Variants in SPTBN4 observed in about 807,000 individuals in gnomAD.
The protein encoded by SPTBN4 is spectrin beta chain, non-erythrocytic 4.
A neutral mutation model predicts 277.8 loss-of-function variants in SPTBN4; 96 were observed. The ratio of observed to expected loss-of-function variants is 0.35; its 90% CI spans 0.29 to 0.41. SPTBN4 has a LOEUF of 0.41. Among genes scored for constraint, SPTBN4 ranks in the 10% least tolerant of loss-of-function variants. The pLI is 1.00. For synonymous variants in SPTBN4, 1,481 were observed against 1,580.3 expected, an observed-to-expected ratio of 0.94 and a Z score of 1.49; for missense variants, 3,006 against 3,595.7, an observed-to-expected ratio of 0.84 and a Z score of 4.19.
At chr19:40,480,512 T>C (rs757767236) in intron 2 of SPTBN4, among the ~76,000 whole-genome samples, 24 of 152,206 alleles carry the variant, frequency 1.6e-4, no homozygotes, top group Non-Finnish European at 3.2e-4. Flanking sequence ...TGTACTCTCT[T>C]AACTTCTAAC....
At chr19:40,567,603 TC>T in intron 30 of SPTBN4, 59 bp from the exon 31 acceptor site, 1 of 980,902 alleles carries the variant, frequency 1.0e-6, no homozygotes, top group Admixed American at 3.7e-5. Context: ...TCCCCGGACC[TC>T]CCCCTTACCC....
intron 13 of SPTBN4, among the ~76,000 whole-genome samples, chr19:40,509,775 C>T (rs1227015167): frequency 6.6e-6 from 1 of 152,204 alleles, no homozygotes; most frequent in Non-Finnish European, 1.5e-5. Context: ...AAGAACCTGT[C>T]TGGCTTGCAG....
chr19:40,560,215 TGCCGAG>T lies in SPTBN4; in HGVS notation c.5731_5736del (p.Glu1911_Ala1912del). ...TGCGGACGGTGTATGCGGGTGAACATGCCGAGGCCATCGCTAGCCGGGAGCAGGAGG... is the reference window on the plus strand; with the variant it reads ...TGCGGACGGTGTATGCGGGTGAACATGCCATCGCTAGCCGGGAGCAGGAGG... On this transcript the variant is annotated inframe_deletion, in exon 27 of 36. Transcript: ENST00000598249. This position sits in a 1 kb window ranked among gnomAD's most constrained non-coding sequence, Gnocchi z 5.2. 1.2e-6 allele frequency: 2 copies of T among 1,607,842 alleles called. No homozygotes were observed. The highest frequency in any genetic ancestry group is 1.7e-6 in the Non-Finnish European group (2 of 1,179,900).
chr19:40,563,005 T>G (rs991809983), intron 27 of SPTBN4, among the ~76,000 whole-genome samples: 4 of 151,358 alleles, frequency 2.6e-5, no homozygotes, highest in African/African-American at 9.7e-5. Flanking sequence ...AGGCCAGGAG[T>G]TTGAGACTAC....
At chr19:40,474,210 C>T (rs919450882) in intron 2 of SPTBN4, among the ~76,000 whole-genome samples, 5 of 140,108 alleles carry the variant, frequency 3.6e-5, no homozygotes, top group Admixed American at 7.2e-5. Context: ...GTTATCATCA[C>T]AGACCTAAGA....
In SPTBN4 at chr19:40,572,326, C is replaced by T; in HGVS notation, c.7494-12C>T. 3 of 1,614,126 alleles carry T rather than the reference C, an allele frequency of 1.9e-6. No homozygotes were observed. The highest frequency in any genetic ancestry group is 1.1e-5 in the South Asian group (1 of 91,074). On this transcript the variant is annotated splice_polypyrimidine_tract_variant and intron_variant, in intron 34 of 35. Transcript: ENST00000598249. The stretch of plus-strand genomic sequence containing the variant: ...TCCCCAGATCTCTGAAGTCCTGTGT[C>T]CCTTCCTGCAGGACCCAGGATGGCA...
chr19:40,487,051 T>G (rs2080080363), intron 2 of SPTBN4, among the ~76,000 whole-genome samples: 1 of 148,754 alleles, frequency 6.7e-6, no homozygotes, highest in East Asian at 1.9e-4. Context: ...TCTTTTTTTT[T>G]TTTGAGAAGG....
intron 1 of SPTBN4, among the ~76,000 whole-genome samples, 193 bp downstream of exon 1, chr19:40,467,498 C>G (rs1037542537): frequency 1.3e-5 from 2 of 152,122 alleles, no homozygotes; most frequent in Non-Finnish European, 2.9e-5. Flanking sequence ...GGGTCTTACC[C>G]CCAGGCCTTG....
At position 40,512,844 on chromosome 19, in the gene SPTBN4, G is replaced by T; in HGVS notation, c.2055G>T (p.Ala685=). Reference sequence around the variant, plus strand: ...GCGCAGCGGGCGCAGCGGGAACAGCGGGCGGCGCGCATGACCTGTCCAGCA... The same window carrying T: ...GCGCAGCGGGCGCAGCGGGAACAGCTGGCGGCGCGCATGACCTGTCCAGCA... ...AAGAAGAAGT[A]GGAHDLSSTA... The change falls in exon 14 of 36, where the codon GCG becomes GCT. Residue 685 remains alanine (A), a synonymous_variant. Coordinates refer to ENST00000598249, the MANE Select transcript of SPTBN4 (RefSeq NM_020971.3). 1 of 1,457,528 alleles carries T rather than the reference G, an allele frequency of 6.9e-7. No homozygotes were observed. Among genetic ancestry groups the T allele is most frequent in the South Asian group, 1.4e-5 (1 of 72,946 alleles). 90.3% of individuals were successfully genotyped at this position (1,457,528 alleles called of 1,614,324 possible). A position where few individuals can be genotyped will look rare whatever the true frequency, so the allele number is the denominator to read the frequency against.
intron 11 of SPTBN4, among the ~76,000 whole-genome samples, chr19:40,503,144 G>C (rs917519557): frequency 2.0e-5 from 3 of 152,162 alleles, no homozygotes; most frequent in African/African-American, 7.2e-5. Context: ...ATGGGAGAGT[G>C]AGGCTGGTCT....
chr19:40,474,356 G>C (rs1875845153), intron 2 of SPTBN4, among the ~76,000 whole-genome samples: 1 of 151,560 alleles, frequency 6.6e-6, no homozygotes, highest in South Asian at 2.1e-4. Context: ...ATCTGACATA[G>C]AGTGACCAAA....
Position 40,550,244 on chromosome 19 carries a change from G to A in SPTBN4, c.4591G>A (p.Val1531Ile), listed in dbSNP as rs763212881. The A allele has an allele frequency of 2.5e-6, 4 of 1,613,574 alleles. No homozygotes were observed. The highest frequency in any genetic ancestry group is 1.3e-5 in the African/African-American group (1 of 74,916). Residue 1531 changes from valine (V) to isoleucine (I), a missense_variant, in exon 22 of 36, where the codon GTT becomes ATT. This residue lies in a region of SPTBN4 where 1,759 missense variants were observed against 2,061.5 expected (regional missense o/e 0.85). Transcript: ENST00000598249. Reference protein sequence around the residue: ...AHDLDDELAWVQERLPLAMQT... With the variant: ...AHDLDDELAWIQERLPLAMQT... ...CTTCCTGTGTCCTCTCCAGGCATGG[G>A]TTCAGGAGCGGCTGCCACTGGCCAT...
intron 2 of SPTBN4, among the ~76,000 whole-genome samples, chr19:40,477,030 T>TATTATTATTATTATTATTATTATTATC (rs1488074140): frequency 1.3e-5 from 2 of 149,042 alleles, no homozygotes; most frequent in Non-Finnish European, 3.0e-5. Flanking sequence ...TAGAATTTAT[T>TATTATTATTATTATTATTATTATTATC]ATTATTATTA....
chr19:40,537,660 A>G (rs938768574), intron 20 of SPTBN4, among the ~76,000 whole-genome samples: 2 of 152,178 alleles, frequency 1.3e-5, no homozygotes, highest in Non-Finnish European at 2.9e-5. Flanking sequence ...ACCACAGCAC[A>G]GAAAGGATCT....
At chr19:40,528,033 G>C (rs1568811957) in intron 17 of SPTBN4, among the ~76,000 whole-genome samples, 1 of 146,922 alleles carries the variant, frequency 6.8e-6, no homozygotes, top group Non-Finnish European at 1.5e-5. Context: ...TCCAGCCTGG[G>C]CGATGGAGCG....
intron 20 of SPTBN4, among the ~76,000 whole-genome samples, 186 bp from the exon 21 acceptor site, chr19:40,549,003 G>A (rs1260662120): frequency 6.6e-6 from 1 of 152,236 alleles, no homozygotes. Flanking sequence ...AGGCTCCGAG[G>A]CAGGGACTAG....
intron 17 of SPTBN4, among the ~76,000 whole-genome samples, chr19:40,524,225 C>T (rs868781030): frequency 1.4e-4 from 22 of 151,960 alleles, no homozygotes; most frequent in African/African-American, 5.1e-4. Context: ...AAATGTTAGG[C>T]TGGGTGCAGT....
At chr19:40,543,329 G>A (rs985258447) in intron 20 of SPTBN4, among the ~76,000 whole-genome samples, 1 of 152,064 alleles carries the variant, frequency 6.6e-6, no homozygotes, top group Non-Finnish European at 1.5e-5. Flanking sequence ...GCCCATCTAA[G>A]GTTACGTGCT....
intron 33 of SPTBN4, 107 bp downstream of exon 33, chr19:40,570,835 G>C: frequency 7.2e-6 from 9 of 1,258,192 alleles, no homozygotes; most frequent in Non-Finnish European, 8.4e-6. Context: ...AGGCCCTCCA[G>C]CAGGTGGCGG....
Sources: allele counts gnomAD v4.1 joint callset (sites outside exome capture counted in the v4.1 genomes callset), GRCh38; gene constraint gnomAD v4.1.1; regional missense constraint gnomAD v4.1.1; non-coding constraint Gnocchi (gnomAD v3.1); transcripts MANE v1.5; gene names NCBI Gene and HGNC (gene_info 2026-07-23, HGNC 2026-07-21).